Variants in RANBP3 observed in about 807,000 individuals in gnomAD.
RANBP3 encodes the protein ran-binding protein 3.
Under a neutral mutation model 77.3 loss-of-function variants are expected in RANBP3, and 14 were observed. That is an observed-to-expected ratio of 0.18 (90% CI 0.12 to 0.28). The LOEUF is 0.28. Among genes scored for constraint, RANBP3 ranks in the 10% least tolerant of loss-of-function variants. The pLI is 1.00. For synonymous variants in RANBP3, 315 were observed against 312.4 expected (o/e 1.01, Z -0.09); for missense variants, 586 against 752.3 (o/e 0.78, Z 2.59).
intron 3 of RANBP3, among the ~76,000 whole-genome samples, chr19:5,945,758 T>G (rs998792247): frequency 3.9e-5 from 6 of 152,136 alleles, no homozygotes; most frequent in Admixed American, 3.3e-4. Flanking sequence ...ATGGATGCCA[T>G]GGATGCTCTC....
At chr19:5,960,998 A>G (rs143050812) in intron 1 of RANBP3, among the ~76,000 whole-genome samples, 226 of 152,308 alleles carry the variant, frequency 1.5e-3, no homozygotes, top group African/African-American at 5.0e-3. Flanking sequence ...GTGGAGTCCA[A>G]TCAGATCCTC....
rs1379700301 is a variant in RANBP3, at chr19:5,917,610, C to G, written c.1704G>C (p.Ter568TyrextTer70). The change falls in exon 17 of 17, where the codon TAG becomes TAC. Residue 568 changes from the stop codon to tyrosine, a stop_lost. Coordinates refer to ENST00000340578, the MANE Select transcript of RANBP3 (RefSeq NM_007322.3). ...TGGTGTGCAGCCGGGCTCCCGGCCG[C>G]TATGTGCTCCCGGTCGTCTGCCCGT... The part of the protein sequence containing the change: ...EGDGQTTGST[*>Y] 1 of 1,601,428 alleles carries G rather than the reference C, an allele frequency of 6.2e-7. No individual in the cohort carries two copies. The highest frequency in any genetic ancestry group is 8.5e-7 in the Non-Finnish European group (1 of 1,177,376).
chr19:5,930,231 A>G (rs1047584398), intron 8 of RANBP3, among the ~76,000 whole-genome samples: 3 of 152,260 alleles, frequency 2.0e-5, no homozygotes, highest in African/African-American at 7.2e-5. Flanking sequence ...ATGCGGTGGA[A>G]ATGATCCCTA....
At chr19:5,975,271 C>A (rs775076636) in intron 1 of RANBP3, among the ~76,000 whole-genome samples, 1 of 152,088 alleles carries the variant, frequency 6.6e-6, no homozygotes, top group Non-Finnish European at 1.5e-5. Context: ...CCAGAACTAG[C>A]GTCAGGGACA....
At chr19:5,925,108 G>A (rs2057885395) in intron 10 of RANBP3, 1 of 588,470 alleles carries the variant, frequency 1.7e-6, no homozygotes, top group South Asian at 1.9e-5. Context: ...CGCCCTGATG[G>A]AGGGGCCCCA....
intron 16 of RANBP3, 64 bp from the exon 17 acceptor site, chr19:5,917,717 G>A (rs1035269704): frequency 1.6e-5 from 26 of 1,587,772 alleles, no homozygotes; most frequent in South Asian, 8.0e-5. Flanking sequence ...GGCCACCCCC[G>A]CCAGGAGATC....
intron 9 of RANBP3, 115 bp from the exon 10 acceptor site, chr19:5,925,852 C>T (rs2057900888): frequency 1.3e-6 from 1 of 768,422 alleles, no homozygotes; most frequent in East Asian, 2.7e-5. Context: ...CATGAACCCT[C>T]TCCTGTACCC....
At chr19:5,925,591 T>A in intron 10 of RANBP3, 43 bp downstream of exon 10, 1 of 1,567,326 alleles carries the variant, frequency 6.4e-7, no homozygotes. Flanking sequence ...CGCGGCCACC[T>A]GCATCGCCAT....
At chr19:5,951,642 C>T in intron 2 of RANBP3, 46 bp from the exon 3 acceptor site, 3 of 1,543,624 alleles carry the variant, frequency 1.9e-6, no homozygotes, top group Non-Finnish European at 2.7e-6. Flanking sequence ...ATAAAGGCTG[C>T]ATCACACAGC....
At position 5,924,722 on chromosome 19, in the gene RANBP3, T is replaced by C; in HGVS notation, c.996+105A>G. On this transcript the variant is annotated intron_variant, in intron 11 of 16. Transcript: ENST00000340578. The surrounding 1 kb of genome is among the most constrained non-coding windows in gnomAD (Gnocchi z 4.7). ...TCACTTGCTACTGAAGGCATCCCCA[T>C]CTCACATAGGACGACACAGCAGCCC... is the stretch of plus-strand genomic sequence containing the variant. 8.5e-7 allele frequency: 1 copy of C among 1,171,816 alleles called. No individual in the cohort carries two copies. The highest frequency in any genetic ancestry group is 1.3e-6 in the Non-Finnish European group (1 of 785,128). 72.6% of individuals were successfully genotyped at this position (1,171,816 alleles called of 1,614,324 possible). A position where few individuals can be genotyped will look rare whatever the true frequency, so the allele number is the denominator to read the frequency against.
intron 1 of RANBP3, among the ~76,000 whole-genome samples, chr19:5,964,476 C>T (rs1053977893): frequency 1.3e-5 from 2 of 152,184 alleles, no homozygotes; most frequent in Non-Finnish European, 2.9e-5. Flanking sequence ...CCACTGTGCA[C>T]TAAGCACTGC....
At chr19:5,938,416 G>A (rs1466708810) in intron 5 of RANBP3, among the ~76,000 whole-genome samples, 7 of 152,212 alleles carry the variant, frequency 4.6e-5, no homozygotes, top group Non-Finnish European at 5.9e-5. Flanking sequence ...GGGGCCAGAC[G>A]TGGTGGCTCA....
intron 3 of RANBP3, among the ~76,000 whole-genome samples, chr19:5,944,359 G>A (rs911195501): frequency 6.6e-6 from 1 of 152,206 alleles, no homozygotes; most frequent in Non-Finnish European, 1.5e-5. Context: ...TCACCACCTT[G>A]TCATCCCTTT....
intron 5 of RANBP3, among the ~76,000 whole-genome samples, chr19:5,936,505 G>A (rs1020530406): frequency 6.6e-6 from 1 of 152,254 alleles, no homozygotes; most frequent in African/African-American, 2.4e-5. Context: ...GCCGGGAGCA[G>A]GGCTACACCT....
chr19:5,918,730 C>T (rs551339147), intron 14 of RANBP3, 92 bp from the exon 15 acceptor site: 101 of 1,471,024 alleles, frequency 6.9e-5, no homozygotes, highest in Middle Eastern at 2.3e-4. Context: ...AGATGGAAAG[C>T]GACATCACCG....
rs1259901225 is a variant in RANBP3 at position 5,941,707 on chromosome 19, T to C, written c.320A>G (p.Asp107Gly). Residue 107 changes from aspartate (D) to glycine (G), a missense_variant and splice_region_variant, in exon 5 of 17, where the codon GAT (aspartate) becomes GGT (glycine). Around this residue, in one of 5 missense-constraint regions of RANBP3, gnomAD observed 172 missense variants for 183.4 expected, o/e 0.94. Coordinates refer to ENST00000340578, the MANE Select transcript of RANBP3 (RefSeq NM_007322.3). ...AGGSSPEGGE[D>G]SDREDGNYCP... is the part of the protein sequence containing the mutation. ...GTAATTTCCATCTTCTCTGTCAGAA[T>C]CTACAGAAAATGATGAGAAGAGGAG... 2.5e-6 allele frequency: 4 copies of C among 1,613,544 alleles called. No homozygotes were observed. The highest frequency in any genetic ancestry group is 1.7e-5 in the Admixed American group (1 of 60,022).
At chr19:5,951,220 C>T (rs1052788200) in intron 3 of RANBP3, among the ~76,000 whole-genome samples, 173 bp downstream of exon 3, 1 of 152,208 alleles carries the variant, frequency 6.6e-6, no homozygotes, top group Non-Finnish European at 1.5e-5. Flanking sequence ...TCTTCCCTGA[C>T]TTTTCAGCAG....
chr19:5,951,478 G>C lies in RANBP3; in HGVS notation c.197C>G (p.Pro66Arg), dbSNP rs1466108722. 1 of 1,610,610 alleles carries C rather than the reference G, an allele frequency of 6.2e-7. No homozygotes were observed. Among genetic ancestry groups the C allele is most frequent in the African/African-American group, 1.3e-5 (1 of 74,870 alleles). ...GCTGGCTGAGGCGCCAGCAGGGGCA[G>C]GAGGTTCTAGGGCATGCTCGCCAGC... ...ESAGEHALEP[P>R]APAGASASTP... Residue 66 changes from proline to arginine, a missense_variant, in exon 3 of 17, where the codon CCT (proline) becomes CGT (arginine). Pro to Arg is a moderately radical substitution (Grantham distance 103). This residue lies in a region of RANBP3 where 172 missense variants were observed against 183.4 expected (regional missense o/e 0.94). Transcript: ENST00000340578.
At chr19:5,939,656 G>C (rs1372976183) in intron 5 of RANBP3, among the ~76,000 whole-genome samples, 1 of 152,254 alleles carries the variant, frequency 6.6e-6, no homozygotes, top group East Asian at 1.9e-4. Flanking sequence ...TGGACGCTCA[G>C]AGATCACCTC....
Sources: gnomAD v4.1 joint callset for allele counts (sites outside exome capture counted in the v4.1 genomes callset) on GRCh38, gnomAD v4.1.1 for gene constraint, gnomAD v4.1.1 regional missense constraint, Gnocchi (gnomAD v3.1) non-coding constraint, MANE v1.5 for transcripts, NCBI Gene and HGNC (gene_info 2026-07-23, HGNC 2026-07-21) for gene names.